SMYD3: variants seen among roughly 807,000 people sequenced by gnomAD.
The protein encoded by SMYD3 is SET and MYND domain containing 3.
Under a neutral mutation model 57.7 loss-of-function variants are expected in SMYD3, and 36 were observed. The observed-to-expected ratio is 0.62, with a 90% CI of 0.48 to 0.82. The LOEUF (loss-of-function observed/expected upper bound fraction) is 0.82, where lower values mean the gene tolerates loss of function less well. Ranked by LOEUF, SMYD3 falls within the 40% of genes least tolerant of loss-of-function variation. The pLI, the probability that SMYD3 is intolerant of heterozygous loss-of-function variation, is 0.00. For missense variants in SMYD3, 515 were observed against 538.8 expected (o/e 0.96, Z 0.44); for synonymous variants, 211 against 195.0 (o/e 1.08, Z -0.68).
chr1:246,012,921 G>A (rs575018391), intron 5 of SMYD3, among the ~76,000 whole-genome samples: 1 of 152,282 alleles, frequency 6.6e-6, no homozygotes, highest in African/African-American at 2.4e-5. Flanking sequence ...GCACTCTACT[G>A]TACTGACATT....
intron 5 of SMYD3, among the ~76,000 whole-genome samples, chr1:246,298,405 T>A (rs1474836646): frequency 6.6e-6 from 1 of 152,160 alleles, no homozygotes; most frequent in South Asian, 2.1e-4. Flanking sequence ...TAATGCCTAA[T>A]GAACTCATTT....
chr1:246,233,458 G>A (rs2063455600), intron 5 of SMYD3, among the ~76,000 whole-genome samples: 1 of 135,832 alleles, frequency 7.4e-6, no homozygotes, highest in African/African-American at 2.8e-5. Context: ...TCCACACTGT[G>A]ATGAACATAT....
intron 5 of SMYD3, among the ~76,000 whole-genome samples, chr1:246,113,184 AAAATAAATAAATAAATAAATAAAT>A (rs61169442): frequency 8.2e-5 from 12 of 145,456 alleles, no homozygotes; most frequent in African/African-American, 2.7e-4. Flanking sequence ...TCTGTCTCAA[AAAATAAATAAATAAATAAATAAAT>A]AAATAAATAA....
chr1:246,381,255 C>G (rs2066381716), intron 1 of SMYD3, among the ~76,000 whole-genome samples: 1 of 152,128 alleles, frequency 6.6e-6, no homozygotes, highest in Non-Finnish European at 1.5e-5. Context: ...CTTACTGCCA[C>G]CTCGAATAAA....
chr1:246,233,584 A>G (rs1273829869), intron 5 of SMYD3, among the ~76,000 whole-genome samples: 5 of 105,124 alleles, frequency 4.8e-5, no homozygotes, highest in South Asian at 4.2e-4. Context: ...GAGGAGAAGC[A>G]CTCCTCAATT....
intron 10 of SMYD3, among the ~76,000 whole-genome samples, chr1:245,808,138 A>G: frequency 6.6e-6 from 1 of 152,184 alleles, no homozygotes; most frequent in Non-Finnish European, 1.5e-5. Flanking sequence ...TTTTCATGAT[A>G]TGCTAATATA....
chr1:246,335,396 G>T lies in SMYD3; in HGVS notation c.307C>A (p.Arg103=), dbSNP rs772756510. The T allele has an allele frequency of 1.2e-6, 2 of 1,613,926 alleles. No homozygotes were observed. The highest frequency in any genetic ancestry group is 8.5e-7 in the Non-Finnish European group (1 of 1,179,980). Residue 103 remains arginine, a synonymous_variant, in exon 3 of 12, where the codon CGA becomes AGA. Transcript: ENST00000490107. Reference sequence around the variant, plus strand: ...TTGAAGACAACTCTGCCAAGAAGTCGAACGGAGTCTGGAGGATATCTGGGT... The same window carrying T: ...TTGAAGACAACTCTGCCAAGAAGTCTAACGGAGTCTGGAGGATATCTGGGT... ...CKPRYPPDSV[R]LLGRVVFKLM...
At chr1:246,292,373 C>G (rs948582486) in intron 5 of SMYD3, among the ~76,000 whole-genome samples, 3 of 151,620 alleles carry the variant, frequency 2.0e-5, no homozygotes, top group Non-Finnish European at 4.4e-5. Context: ...ACACCAGCAT[C>G]TTAGACTTAC....
intron 5 of SMYD3, 187 bp from the exon 6 acceptor site, chr1:245,930,124 C>A: frequency 4.9e-6 from 3 of 608,104 alleles, no homozygotes; most frequent in Non-Finnish European, 9.2e-6. Flanking sequence ...CCCCTAAAAA[C>A]ATCAGGTGGT....
At chr1:245,991,142 C>T (rs2058805635) in intron 5 of SMYD3, among the ~76,000 whole-genome samples, 1 of 152,166 alleles carries the variant, frequency 6.6e-6, no homozygotes, top group East Asian at 1.9e-4. Flanking sequence ...TGATTTCTTT[C>T]CTATATGTGG....
intron 1 of SMYD3, among the ~76,000 whole-genome samples, chr1:246,400,343 C>T (rs1272494771): frequency 1.3e-5 from 2 of 152,190 alleles, no homozygotes; most frequent in Non-Finnish European, 2.9e-5. Context: ...AAATATTCTT[C>T]GCAGCTATAC....
intron 5 of SMYD3, among the ~76,000 whole-genome samples, chr1:246,032,667 C>T (rs2059698893): frequency 6.6e-6 from 1 of 152,182 alleles, no homozygotes; most frequent in Non-Finnish European, 1.5e-5. Context: ...TTGCTTTCTG[C>T]TCTTTTGAGG....
chr1:246,387,789 T>C (rs2066510301), intron 1 of SMYD3, among the ~76,000 whole-genome samples: 1 of 152,186 alleles, frequency 6.6e-6, no homozygotes, highest in South Asian at 2.1e-4. Context: ...ATATTAAAAA[T>C]AACATTTCAG....
At position 246,128,314 on chromosome 1, in the gene SMYD3, G is replaced by C. The variant is rs535197203; in HGVS notation, c.532-198377C>G. 2.6e-5 allele frequency among the ~76,000 whole-genome samples: 4 copies of C among 152,200 alleles called. No individual in the cohort carries two copies. In the South Asian group the frequency reaches 6.2e-4, roughly 24 times the overall value. On this transcript the variant is annotated intron_variant, in intron 5 of 11. Transcript: ENST00000490107. ...ACAAAGTAATTTGCTCATTTATTAT[G>C]GTTATAGTTGCCTCCTACCTCTAGA...
chr1:246,078,373 C>A (rs1416486135), intron 5 of SMYD3, among the ~76,000 whole-genome samples: 1 of 152,160 alleles, frequency 6.6e-6, no homozygotes, highest in African/African-American at 2.4e-5. Context: ...ATAGTCTAAT[C>A]CCCAACCAGG....
chr1:245,826,073 G>A (rs1017245650), intron 10 of SMYD3, among the ~76,000 whole-genome samples: 7 of 147,296 alleles, frequency 4.8e-5, no homozygotes, highest in Admixed American at 7.0e-5. Context: ...TATGCATCAT[G>A]TATTTGTGCC....
At chr1:245,938,573 T>C (rs1370274373) in intron 5 of SMYD3, among the ~76,000 whole-genome samples, 1 of 152,158 alleles carries the variant, frequency 6.6e-6, no homozygotes, top group Non-Finnish European at 1.5e-5. Context: ...AAAGAGGAAA[T>C]TTATCATGGC....
intron 5 of SMYD3, among the ~76,000 whole-genome samples, chr1:246,271,837 A>G (rs72776366): frequency 0.042 from 6,405 of 152,298 alleles, 283 homozygotes; most frequent in Admixed American, 0.14. Context: ...AAAAAACATC[A>G]TTGCGATTTT....
At chr1:246,361,407 G>T (rs1345350712) in intron 1 of SMYD3, among the ~76,000 whole-genome samples, 2 of 152,142 alleles carry the variant, frequency 1.3e-5, no homozygotes, top group Non-Finnish European at 2.9e-5. Flanking sequence ...AGAACTAAAA[G>T]TAAATCTACC....
Sources: allele counts gnomAD v4.1 joint callset (sites outside exome capture counted in the v4.1 genomes callset), GRCh38; gene constraint gnomAD v4.1.1; transcripts MANE v1.5; gene names NCBI Gene and HGNC (gene_info 2026-07-23, HGNC 2026-07-21).